AP5M1: variants seen among roughly 807,000 people sequenced by gnomAD.
AP5M1 encodes adaptor related protein complex 5 subunit mu 1, also known as AP-5 complex subunit mu-1.
A neutral mutation model predicts 52.3 loss-of-function variants in AP5M1; 44 were observed. The ratio of observed to expected loss-of-function variants is 0.84; its 90% confidence interval spans 0.66 to 1.08. The LOEUF is 1.08. Ranked by LOEUF, AP5M1 falls within the 50% of genes least tolerant of loss-of-function variation. The probability of loss-of-function intolerance (pLI) is 0.00; values close to 1 mark genes in which losing one functional copy is unlikely to be tolerated. For missense variants in AP5M1, 526 were observed against 568.4 expected (o/e 0.93, Z 0.76); for synonymous variants, 213 against 199.0 (o/e 1.07, Z -0.59).
At chr14:57,281,959 T>A in intron 3 of AP5M1, 130 bp from the exon 4 acceptor site, 3 of 713,906 alleles carry the variant, frequency 4.2e-6, no homozygotes, top group Non-Finnish European at 4.3e-6. Flanking sequence ...GAATATAGAT[T>A]CATCATTGCT....
chr14:57,272,663 TTTAA>T (rs1243867704), intron 1 of AP5M1, among the ~76,000 whole-genome samples: 4 of 152,280 alleles, frequency 2.6e-5, no homozygotes, highest in East Asian at 1.9e-4. Flanking sequence ...ACTTAAGAAC[TTTAA>T]TTACCCTCTG....
Position 57,269,383 on chromosome 14 carries a change from C to T in AP5M1, c.69C>T (p.Phe23=), listed in dbSNP as rs1236844613. 2.5e-6 allele frequency: 4 copies of T among 1,614,100 alleles called. No homozygotes were observed. The highest frequency in any genetic ancestry group is 3.4e-6 in the Non-Finnish European group (4 of 1,179,964). ...PGTPLCGTVR[F]SRRYPTVEKR... is the part of the protein sequence containing the mutation. ...CTCCACTTTGTGGCACCGTGAGATT[C>T]TCCAGGTAAATGCAAATCTGAATCC... Residue 23 remains phenylalanine, a synonymous_variant, in exon 1 of 8, where the codon TTC becomes TTT. Coordinates refer to ENST00000261558, the MANE Select transcript of AP5M1 (RefSeq NM_018229.4).
rs1222283933 is a variant in AP5M1 at position 57,293,484 on chromosome 14, T to TCTAGTTTCAATTTAATAA, written c.*4611_*4628dup. On this transcript the variant is annotated 3_prime_UTR_variant, in exon 8 of 8. Transcript: ENST00000261558. ...TTACGTTTGTGCCAAGCCAGCCTCC[T>TCTAGTTTCAATTTAATAA]CTAGTTTCAATTTAATAACTAGTTT... is the stretch of plus-strand genomic sequence containing the variant. 8 of 151,840 alleles carry TCTAGTTTCAATTTAATAA rather than the reference T, an allele frequency of 5.3e-5. No homozygotes were observed. Among genetic ancestry groups the TCTAGTTTCAATTTAATAA allele is most frequent in the African/African-American group, 1.7e-4 (7 of 41,498 alleles). The allele number at this position is 151,840 out of a possible 1,614,324, so 9.4% of individuals were successfully genotyped here. A position where few individuals can be genotyped will look rare whatever the true frequency, so the allele number is the denominator to read the frequency against.
Position 57,282,929 on chromosome 14 carries a change from T to C in AP5M1, c.1089-5T>C, listed in dbSNP as rs765551570. On this transcript the variant is annotated splice_region_variant and splice_polypyrimidine_tract_variant and intron_variant, in intron 4 of 7. Transcript: ENST00000261558. ...TTTTTCTATTTTATCCTTTTCTTTT[T>C]AAAGAGGTCCAATTACACATTTGGA... 6.4e-7 allele frequency: 1 copy of C among 1,556,766 alleles called. No homozygotes were observed. Among genetic ancestry groups the C allele is most frequent in the Non-Finnish European group, 8.7e-7 (1 of 1,147,370 alleles).
intron 6 of AP5M1, among the ~76,000 whole-genome samples, chr14:57,284,660 G>A (rs1192589777): frequency 6.6e-6 from 1 of 152,014 alleles, no homozygotes; most frequent in Admixed American, 6.6e-5. Context: ...GACAAGGAAT[G>A]GTGTTGTTCC....
At chr14:57,280,575 C>A (rs1447354626) in intron 3 of AP5M1, among the ~76,000 whole-genome samples, 153 bp downstream of exon 3, 2 of 152,150 alleles carry the variant, frequency 1.3e-5, no homozygotes, top group African/African-American at 4.8e-5. Flanking sequence ...TTAGACCAGG[C>A]ACGGTGGCTC....
intron 7 of AP5M1, among the ~76,000 whole-genome samples, chr14:57,288,329 C>A (rs1026064887): frequency 6.6e-6 from 1 of 151,878 alleles, no homozygotes; most frequent in Admixed American, 6.6e-5. Flanking sequence ...TTAAATTGAT[C>A]AGAACTATAA....
At chr14:57,283,264 C>T in intron 6 of AP5M1, 34 bp downstream of exon 6, 1 of 1,216,140 alleles carries the variant, frequency 8.2e-7, no homozygotes, top group East Asian at 2.4e-5. Context: ...TACAGTAGCA[C>T]CCTTCCTTTG....
intron 2 of AP5M1, among the ~76,000 whole-genome samples, chr14:57,278,784 A>G (rs80084953): frequency 6.6e-6 from 1 of 152,206 alleles, no homozygotes; most frequent in Non-Finnish European, 1.5e-5. Flanking sequence ...GAAATGCAAG[A>G]ATCCAATATG....
At chr14:57,275,824 G>T (rs2139687173) in intron 2 of AP5M1, among the ~76,000 whole-genome samples, 2 of 152,278 alleles carry the variant, frequency 1.3e-5, no homozygotes, top group South Asian at 4.1e-4. Flanking sequence ...AATACAGTTA[G>T]CAGTGATTAA....
Position 57,282,201 on chromosome 14 carries a change from G to C in AP5M1, c.1061G>C (p.Cys354Ser). 1 of 1,570,036 alleles carries C rather than the reference G, an allele frequency of 6.4e-7. No homozygotes were observed. Among genetic ancestry groups the C allele is most frequent in the Non-Finnish European group, 8.6e-7 (1 of 1,162,710 alleles). Reference protein sequence around the residue: ...HESVKNNFEFCEAHIPFYNRG... With the variant: ...HESVKNNFEFSEAHIPFYNRG... ...AGTGTGAAAAATAATTTTGAATTCT[G>C]TGAAGCCCATATACCTTTTTACAAT... is the stretch of plus-strand genomic sequence containing the variant. Residue 354 changes from cysteine (C) to serine (S), a missense_variant, in exon 4 of 8, where the codon TGT becomes TCT. Physicochemically the swap from Cys to Ser is moderately radical, Grantham distance 112 (BLOSUM62 -1). Coordinates refer to ENST00000261558, the MANE Select transcript of AP5M1 (RefSeq NM_018229.4).
rs1885379759 is a variant in AP5M1, at chr14:57,289,126, A to G, written c.*242A>G. The G allele has an allele frequency of 3.7e-6, 1 of 272,998 alleles. No individual in the cohort carries two copies. The highest frequency in any genetic ancestry group is 6.9e-6 in the Non-Finnish European group (1 of 145,628). The allele number at this position is 272,998 out of a possible 1,614,324, so 16.9% of individuals were successfully genotyped here. ...GTATAATTCAGAACATAGAAAAGTA[A>G]TGATTCACTTGGGCTCATTTTAGAC... On this transcript the variant is annotated 3_prime_UTR_variant, in exon 8 of 8. Coordinates refer to ENST00000261558, the MANE Select transcript of AP5M1 (RefSeq NM_018229.4).
intron 6 of AP5M1, among the ~76,000 whole-genome samples, chr14:57,285,122 T>C (rs536738311): frequency 1.6e-4 from 25 of 152,184 alleles, no homozygotes; most frequent in African/African-American, 6.0e-4. Context: ...AAAAATGTAT[T>C]AAAGACATCA....
At chr14:57,288,780 A>C in intron 7 of AP5M1, 22 bp from the exon 8 acceptor site, 1 of 1,454,532 alleles carries the variant, frequency 6.9e-7, no homozygotes, top group South Asian at 1.2e-5. Flanking sequence ...TCTTATCATT[A>C]ATTTCTTTTT....
chr14:57,286,984 TACACACACACATACACAC>T (rs1366177090), intron 7 of AP5M1, among the ~76,000 whole-genome samples: 2 of 134,994 alleles, frequency 1.5e-5, no homozygotes, highest in African/African-American at 7.5e-5. Flanking sequence ...TATATGTGTG[TACACACACACATACACAC>T]ACACACACAC....
At chr14:57,287,147 T>C (rs1462698684) in intron 7 of AP5M1, among the ~76,000 whole-genome samples, 1 of 152,094 alleles carries the variant, frequency 6.6e-6, no homozygotes, top group Non-Finnish European at 1.5e-5. Flanking sequence ...TTATCTAAAC[T>C]TAAACAACCT....
At chr14:57,288,121 A>G (rs1885351255) in intron 7 of AP5M1, among the ~76,000 whole-genome samples, 1 of 152,148 alleles carries the variant, frequency 6.6e-6, no homozygotes, top group Non-Finnish European at 1.5e-5. Flanking sequence ...TTCATTATGA[A>G]GAAGGGCATG....
intron 6 of AP5M1, among the ~76,000 whole-genome samples, chr14:57,284,039 C>A (rs1369811741): frequency 6.6e-6 from 1 of 152,164 alleles, no homozygotes; most frequent in Admixed American, 6.6e-5. Context: ...GTAGTCCTTG[C>A]CCTCCAGGAA....
chr14:57,291,469 TA>T lies in AP5M1; in HGVS notation c.*2586del, dbSNP rs1382027241. ...CTTTTCTCCATTTTTTACTAAACAATATTTTAAAAACTTTTTAGAGCCAGCA... is the reference window on the plus strand; with the variant it reads ...CTTTTCTCCATTTTTTACTAAACAATTTTTAAAAACTTTTTAGAGCCAGCA... On this transcript the variant is annotated 3_prime_UTR_variant, in exon 8 of 8. Transcript: ENST00000261558. The T allele has an allele frequency of 1.3e-5, 2 of 151,862 alleles. No individual in the cohort carries two copies. The highest frequency in any genetic ancestry group is 4.8e-5 in the African/African-American group (2 of 41,410). The allele number at this position is 151,862 out of a possible 1,614,324, so 9.4% of individuals were successfully genotyped here. A position where few individuals can be genotyped will look rare whatever the true frequency, so the allele number is the denominator to read the frequency against.
Sources: gnomAD v4.1 joint callset for allele counts (sites outside exome capture counted in the v4.1 genomes callset) on GRCh38, gnomAD v4.1.1 for gene constraint, MANE v1.5 for transcripts, NCBI Gene and HGNC (gene_info 2026-07-23, HGNC 2026-07-21) for gene names.